DRC1: variants seen among roughly 807,000 people sequenced by gnomAD.
The protein encoded by DRC1 is dynein regulatory complex subunit 1.
In DRC1, 74 loss-of-function variants were observed where a neutral mutation model predicts 98.7. That is an observed-to-expected ratio of 0.75 (90% CI 0.62 to 0.91). DRC1 has a LOEUF of 0.91. DRC1 is among the 40% of genes least tolerant of loss of function. The pLI, the probability that DRC1 is intolerant of heterozygous loss-of-function variation, is 0.00. For missense variants in DRC1, 875 were observed against 886.0 expected (o/e 0.99, Z 0.16); for synonymous variants, 336 against 334.1 (o/e 1.01, Z -0.06).
In DRC1 at chr2:26,448,756, T is replaced by A; in HGVS notation, c.1462T>A (p.Ser488Thr). The change falls in exon 11 of 17, where the codon TCT (serine) becomes ACT (threonine). Residue 488 changes from serine to threonine, a missense_variant. Physicochemically the swap from Ser to Thr is moderately conservative, Grantham distance 58. Transcript: ENST00000288710. ...ESYLDLPKQI[S>T]EKTTKRILML... ...CTACCTGGATTTGCCGAAGCAAATT[T>A]CTGAAAAAACTACCAAGAGGATCCT... 1 of 1,614,222 alleles carries A rather than the reference T, an allele frequency of 6.2e-7. No individual in the cohort carries two copies. The highest frequency in any genetic ancestry group is 8.5e-7 in the Non-Finnish European group (1 of 1,180,048).
At chr2:26,452,679 GTC>G (rs1392317771) in intron 13 of DRC1, among the ~76,000 whole-genome samples, 1 of 152,172 alleles carries the variant, frequency 6.6e-6, no homozygotes, top group Non-Finnish European at 1.5e-5. Context: ...TATATGGTAT[GTC>G]TACACGATGG....
chr2:26,424,471 C>CT lies in DRC1; in HGVS notation c.540+18dup. ...TTACAGCAGGCAAGAGGCCCGGGCC[C>CT]TCCAGCCCAGCCACAGGGGATCTGC... On this transcript the variant is annotated intron_variant, in intron 4 of 16. Coordinates refer to ENST00000288710, the MANE Select transcript of DRC1 (RefSeq NM_145038.5). The CT allele has an allele frequency of 6.3e-7, 1 of 1,591,380 alleles. No individual in the cohort carries two copies. The highest frequency in any genetic ancestry group is 8.6e-7 in the Non-Finnish European group (1 of 1,164,760).
At chr2:26,424,104 G>A (rs754769837) in intron 3 of DRC1, among the ~76,000 whole-genome samples, 167 bp from the exon 4 acceptor site, 8 of 152,170 alleles carry the variant, frequency 5.3e-5, no homozygotes, top group Non-Finnish European at 1.0e-4. Flanking sequence ...ACAGTCAAGC[G>A]TTAAACGAAA....
At chr2:26,436,532 C>T (rs959054262) in intron 7 of DRC1, among the ~76,000 whole-genome samples, 2 of 152,092 alleles carry the variant, frequency 1.3e-5, no homozygotes, top group East Asian at 1.9e-4. Context: ...AGGGTGGTCT[C>T]GAATTCCTGG....
chr2:26,426,964 G>A (rs2147989030), intron 4 of DRC1, among the ~76,000 whole-genome samples: 1 of 152,172 alleles, frequency 6.6e-6, no homozygotes, highest in East Asian at 1.9e-4. Flanking sequence ...AGTTTTCAGT[G>A]TACAAGGCTT....
At chr2:26,439,934 T>TATATATATATATATAC (rs1017038187) in intron 7 of DRC1, among the ~76,000 whole-genome samples, 1 of 111,674 alleles carries the variant, frequency 9.0e-6, no homozygotes, top group African/African-American at 4.1e-5. Context: ...TATATATATA[T>TATATATATATATATAC]ATACACACAC....
At chr2:26,448,556 T>G in intron 10 of DRC1, 135 bp from the exon 11 acceptor site, 1 of 900,742 alleles carries the variant, frequency 1.1e-6, no homozygotes, top group South Asian at 1.4e-5. Context: ...ATAAAGAGAC[T>G]GAGAGAATGC....
chr2:26,414,557 ATCTT>A, intron 2 of DRC1, 126 bp downstream of exon 2: 1 of 808,088 alleles, frequency 1.2e-6, no homozygotes, highest in East Asian at 2.7e-5. Context: ...ACTGAATAGA[ATCTT>A]TCCCATTTGA....
At position 26,430,233 on chromosome 2, in the gene DRC1, A is replaced by G. The variant is rs150892073; in HGVS notation, c.678+468A>G. ...AGACAGTGGCAAAGGGGAGTGCTGC[A>G]TAGGATTCAGGAATCAGTATTTTGA... On this transcript the variant is annotated intron_variant, in intron 5 of 16. Transcript: ENST00000288710. Among the ~76,000 whole-genome samples the G allele has an allele frequency of 4.7e-3, 715 of 152,314 alleles. 6 individuals carry two copies. The highest frequency in any genetic ancestry group is 0.016 in the African/African-American group (683 of 41,560).
chr2:26,414,542 G>A (rs1678731165), intron 2 of DRC1, 111 bp downstream of exon 2: 10 of 951,820 alleles, frequency 1.1e-5, no homozygotes, highest in South Asian at 9.7e-5. Flanking sequence ...CTGTCTCTAG[G>A]CAGAACTGAA....
At chr2:26,406,686 T>TGGATGACA (rs961201428) in intron 1 of DRC1, among the ~76,000 whole-genome samples, 5 of 151,996 alleles carry the variant, frequency 3.3e-5, no homozygotes, top group Admixed American at 3.3e-4. Context: ...TACTCCAGCC[T>TGGATGACA]GGATGACAGA....
At position 26,439,936 on chromosome 2, in the gene DRC1, T is replaced by TATATATACAC. The variant is rs548209014; in HGVS notation, c.889-441_889-440insTATATACACA. 6.6e-5 allele frequency among the ~76,000 whole-genome samples: 5 copies of TATATATACAC among 75,452 alleles called. 1 individual carries two copies. The highest frequency in any genetic ancestry group is 2.2e-4 in the African/African-American group (5 of 22,982). The allele number at this position is 75,452 out of a possible 152,430, so 49.5% of individuals were successfully genotyped here. On this transcript the variant is annotated intron_variant, in intron 7 of 16. Transcript: ENST00000288710. The stretch of plus-strand genomic sequence containing the variant: ...ACTAGTGTGTGAATATATATATATA[T>TATATATACAC]ACACACACACATACACACACACACA...
At chr2:26,439,936 T>TATATATATATATATATATACACAC (rs548209014) in intron 7 of DRC1, among the ~76,000 whole-genome samples, 1 of 75,462 alleles carries the variant, frequency 1.3e-5, no homozygotes, top group African/African-American at 4.3e-5. Flanking sequence ...TATATATATA[T>TATATATATATATATATATACACAC]ACACACACAC....
Position 26,444,261 on chromosome 2 carries a change from C to T in DRC1, c.1068C>T (p.Ala356=). ...DILNNLRSKY[A]KQIKQFQEEN... ...TTAACAATCTGAGATCAAAATATGCCAAGCAAATAAAGCAGTTTCAGGAGG... is the reference window on the plus strand; with the variant it reads ...TTAACAATCTGAGATCAAAATATGCTAAGCAAATAAAGCAGTTTCAGGAGG... The change falls in exon 9 of 17, where the codon GCC becomes GCT. Residue 356 remains alanine (A), a synonymous_variant. Transcript: ENST00000288710. 1.2e-6 allele frequency: 2 copies of T among 1,614,098 alleles called. No individual in the cohort carries two copies. Among genetic ancestry groups the T allele is most frequent in the Non-Finnish European group, 1.7e-6 (2 of 1,180,032 alleles).
In DRC1 at chr2:26,431,865, T is replaced by A. The variant is rs760215273; in HGVS notation, c.766-19T>A. The A allele has an allele frequency of 6.2e-7, 1 of 1,613,066 alleles. No homozygotes were observed. On this transcript the variant is annotated intron_variant, in intron 6 of 16. Transcript: ENST00000288710. Reference sequence around the variant, plus strand: ...CAAGGATGGTCCCTAACTTTTCCCTTGTCTTCCTGTGCCTTTAGCTGGAGT... The same window carrying A: ...CAAGGATGGTCCCTAACTTTTCCCTAGTCTTCCTGTGCCTTTAGCTGGAGT...
chr2:26,412,296 A>T (rs933032108), intron 1 of DRC1, among the ~76,000 whole-genome samples: 13 of 152,016 alleles, frequency 8.6e-5, no homozygotes, highest in Non-Finnish European at 1.5e-5. Context: ...GGAACCCAGG[A>T]GGCAGAGGTT....
chr2:26,418,610 AAT>A (rs1678912965), intron 2 of DRC1, among the ~76,000 whole-genome samples: 1 of 82,278 alleles, frequency 1.2e-5, no homozygotes, highest in African/African-American at 7.6e-5. Flanking sequence ...ATAATATATA[AAT>A]TATATATAAT....
chr2:26,402,564 G>A (rs1393694773), intron 1 of DRC1, among the ~76,000 whole-genome samples: 1 of 152,176 alleles, frequency 6.6e-6, no homozygotes, highest in Non-Finnish European at 1.5e-5. Context: ...CTCAAAGCTG[G>A]CAGCTTTTTG....
intron 3 of DRC1, 100 bp from the exon 4 acceptor site, chr2:26,424,171 C>A: frequency 7.0e-7 from 1 of 1,432,192 alleles, no homozygotes; most frequent in Non-Finnish European, 9.6e-7. Flanking sequence ...GTGCCTAGTA[C>A]CTGGGTCTTA....
Sources: gnomAD v4.1 joint callset for allele counts (sites outside exome capture counted in the v4.1 genomes callset) on GRCh38, gnomAD v4.1.1 for gene constraint, MANE v1.5 for transcripts, NCBI Gene and HGNC (gene_info 2026-07-23, HGNC 2026-07-21) for gene names.